RFX2: variants seen among roughly 807,000 people sequenced by gnomAD.
RFX2 encodes the protein regulatory factor X2, also known as DNA-binding protein RFX2.
RFX2 carries 20 observed loss-of-function variants against 87.8 expected under a neutral mutation model. That is an observed-to-expected ratio of 0.23 (90% CI 0.16 to 0.33). The LOEUF (loss-of-function observed/expected upper bound fraction) is 0.33. RFX2 is among the 10% of genes least tolerant of loss of function. The pLI is 1.00. For missense variants in RFX2, 767 were observed against 1,012.3 expected (o/e 0.76, Z 3.29); for synonymous variants, 397 against 431.3 (o/e 0.92, Z 0.98).
rs1055320281 is a variant in RFX2 at position 6,010,097 on chromosome 19, G to T, written c.1015+39C>A. 5 of 1,338,888 alleles carry T rather than the reference G, an allele frequency of 3.7e-6. No homozygotes were observed. Among genetic ancestry groups the T allele is most frequent in the Non-Finnish European group, 4.2e-6 (4 of 960,128 alleles). 82.9% of individuals were successfully genotyped at this position (1,338,888 alleles called of 1,614,324 possible). On this transcript the variant is annotated intron_variant, in intron 9 of 17. Transcript: ENST00000303657. This position sits in a 1 kb window ranked among gnomAD's most constrained non-coding sequence, Gnocchi z 5.0. ...TTGAAACCCAGGAGTGTGGCGAGCA[G>T]ATGGGAGCCCCGCCCCCGGGCCTGA...
In RFX2 at chr19:6,075,160, G is replaced by T. The variant is rs186104734; in HGVS notation, c.-8-27656C>A. Among the ~76,000 whole-genome samples, 5 of 152,296 alleles carry T rather than the reference G, an allele frequency of 3.3e-5. No individual in the cohort carries two copies. The East Asian group carries it at 9.6e-4, about 29-fold the overall frequency. The stretch of plus-strand genomic sequence containing the variant: ...AGACTTCCCACCTCCAGGGCTGAGA[G>T]ATGTGTGTCTGTTGTTTACAGCCAC... On this transcript the variant is annotated intron_variant, in intron 1 of 17. Coordinates refer to ENST00000303657, the MANE Select transcript of RFX2 (RefSeq NM_000635.4).
intron 1 of RFX2, chr19:6,076,972 T>C (rs2087701360): frequency 6.6e-6 from 1 of 152,216 alleles, no homozygotes; most frequent in African/African-American, 2.4e-5. Flanking sequence ...ATTACTGTTA[T>C]AGAAATGATA....
rs1259954861 is a variant in RFX2 at position 6,022,513 on chromosome 19, T to G, written c.597+3650A>C. Among the ~76,000 whole-genome samples, 2 of 152,224 alleles carry G rather than the reference T, an allele frequency of 1.3e-5. No individual in the cohort carries two copies. The highest frequency in any genetic ancestry group is 4.1e-4 in the South Asian group (2 of 4,836). ...CGGTGAACCTGCTACGGGGTCCCGGTCGGCTGGTAGCCTGAGGGCAGCCCG... is the reference window on the plus strand; with the variant it reads ...CGGTGAACCTGCTACGGGGTCCCGGGCGGCTGGTAGCCTGAGGGCAGCCCG... On this transcript the variant is annotated intron_variant, in intron 6 of 17. Transcript: ENST00000303657. This position sits in a 1 kb window ranked among gnomAD's most constrained non-coding sequence, Gnocchi z 6.2.
At chr19:6,038,064 C>T (rs1383380172) in intron 5 of RFX2, among the ~76,000 whole-genome samples, 2 of 152,074 alleles carry the variant, frequency 1.3e-5, no homozygotes, top group Admixed American at 6.5e-5. Context: ...CGGTGGCTCA[C>T]GCCTGTAATC....
At chr19:6,042,637 G>C (rs889221526) in intron 3 of RFX2, among the ~76,000 whole-genome samples, 2 of 152,208 alleles carry the variant, frequency 1.3e-5, no homozygotes. Context: ...GGTGGCCCTG[G>C]TGCCCCTTCC....
rs1199765274 is a variant in RFX2 at position 6,013,430 on chromosome 19, C to T, written c.780-325G>A. Among the ~76,000 whole-genome samples the T allele has an allele frequency of 2.0e-5, 3 of 151,932 alleles. No individual in the cohort carries two copies. The East Asian group carries it at 5.8e-4, about 29-fold the overall frequency. ...CAAACTCCTGGGCTCAAGTGATCCTCCTGCCTTGGCCTCCCAAAGTGCTGG... is the reference window on the plus strand; with the variant it reads ...CAAACTCCTGGGCTCAAGTGATCCTTCTGCCTTGGCCTCCCAAAGTGCTGG... On this transcript the variant is annotated intron_variant, in intron 7 of 17. Coordinates refer to ENST00000303657, the MANE Select transcript of RFX2 (RefSeq NM_000635.4). This position sits in a 1 kb window ranked among gnomAD's most constrained non-coding sequence, Gnocchi z 4.1.
chr19:5,999,852 G>A lies in RFX2; in HGVS notation c.1859+1963C>T, dbSNP rs1364804977. Reference sequence around the variant, plus strand: ...GATGGGTTTCTCTGTGTGGCTGTCTGGGGGAAAGATGTTCCAGGCAAGGGG... The same window carrying A: ...GATGGGTTTCTCTGTGTGGCTGTCTAGGGGAAAGATGTTCCAGGCAAGGGG... On this transcript the variant is annotated intron_variant, in intron 15 of 17. Coordinates refer to ENST00000303657, the MANE Select transcript of RFX2 (RefSeq NM_000635.4). The surrounding 1 kb of genome is among the most constrained non-coding windows in gnomAD (Gnocchi z 4.1). 6.6e-6 allele frequency among the ~76,000 whole-genome samples: 1 copy of A among 152,136 alleles called. No individual in the cohort carries two copies.
rs546410431 is a variant in RFX2, at chr19:6,012,705, A to G, written c.899+281T>C. On this transcript the variant is annotated intron_variant, in intron 8 of 17. Coordinates refer to ENST00000303657, the MANE Select transcript of RFX2 (RefSeq NM_000635.4). The surrounding 1 kb of genome is among the most constrained non-coding windows in gnomAD (Gnocchi z 4.6). ...AACAACTCTCTGTACTTTCTACTCA[A>G]TTTTGCTGTGAACCTAGAATGGCTC... 2.2e-4 allele frequency among the ~76,000 whole-genome samples: 34 copies of G among 152,180 alleles called. No homozygotes were observed. Among genetic ancestry groups the G allele is most frequent in the African/African-American group, 8.2e-4 (34 of 41,510 alleles).
Position 6,004,174 on chromosome 19 carries a change from G to A in RFX2, c.1500+27C>T. On this transcript the variant is annotated intron_variant, in intron 13 of 17. Transcript: ENST00000303657. This position sits in a 1 kb window ranked among gnomAD's most constrained non-coding sequence, Gnocchi z 4.8. ...TGGAGCCCCTCCCAGCCATCGTTGG[G>A]GAGCCCAGGCCCCACCCCGGACGCA... 1 of 1,573,776 alleles carries A rather than the reference G, an allele frequency of 6.4e-7. No homozygotes were observed. Among genetic ancestry groups the A allele is most frequent in the Non-Finnish European group, 8.7e-7 (1 of 1,143,250 alleles).
At chr19:6,093,237 A>G (rs1239589178) in intron 1 of RFX2, among the ~76,000 whole-genome samples, 1 of 152,194 alleles carries the variant, frequency 6.6e-6, no homozygotes, top group African/African-American at 2.4e-5. Flanking sequence ...CAAAATGCCT[A>G]TAAATAAATA....
intron 1 of RFX2, among the ~76,000 whole-genome samples, chr19:6,108,198 G>C (rs2088250889): frequency 6.6e-6 from 1 of 152,208 alleles, no homozygotes; most frequent in Non-Finnish European, 1.5e-5. Context: ...CACGCCTGTT[G>C]ATGAAGAAGC....
chr19:6,088,609 C>A (rs912976529), intron 1 of RFX2, among the ~76,000 whole-genome samples: 1 of 152,094 alleles, frequency 6.6e-6, no homozygotes, highest in African/African-American at 2.4e-5. Context: ...TTAATTACAA[C>A]AAACTGGAGA....
Position 6,074,373 on chromosome 19 carries a change from C to T in RFX2, c.-8-26869G>A, listed in dbSNP as rs769903776. Among the ~76,000 whole-genome samples the T allele has an allele frequency of 2.0e-4, 31 of 152,206 alleles. No individual in the cohort carries two copies. The highest frequency in any genetic ancestry group is 2.6e-4 in the Non-Finnish European group (18 of 68,036). On this transcript the variant is annotated intron_variant, in intron 1 of 17. Transcript: ENST00000303657. The surrounding 1 kb of genome is among the most constrained non-coding windows in gnomAD (Gnocchi z 5.2). ...GGTGGGCTAGAACCTTTCCACCTTC[C>T]TCTTAGCACCCGGCCTGTGCCGGTG...
intron 5 of RFX2, among the ~76,000 whole-genome samples, chr19:6,033,168 G>A (rs941061846): frequency 2.6e-5 from 4 of 152,150 alleles, no homozygotes; most frequent in Admixed American, 1.3e-4. Context: ...GAGCCACTGC[G>A]CACTCTTAAC....
In RFX2 at chr19:6,047,747, A is replaced by G. The variant is rs1180725174; in HGVS notation, c.-8-243T>C. On this transcript the variant is annotated intron_variant, in intron 1 of 17. Coordinates refer to ENST00000303657, the MANE Select transcript of RFX2 (RefSeq NM_000635.4). The surrounding 1 kb of genome is among the most constrained non-coding windows in gnomAD (Gnocchi z 4.2). Reference sequence around the variant, plus strand: ...TATAAAACCCAAAAAGGGCTCTGTCAGCGCACAATGGCAGGAATTCCTCAA... The same window carrying G: ...TATAAAACCCAAAAAGGGCTCTGTCGGCGCACAATGGCAGGAATTCCTCAA... 6.6e-6 allele frequency among the ~76,000 whole-genome samples: 1 copy of G among 152,260 alleles called. No individual in the cohort carries two copies. The highest frequency in any genetic ancestry group is 1.9e-4 in the East Asian group (1 of 5,200).
At position 6,010,083 on chromosome 19, in the gene RFX2, G is replaced by T. The variant is rs939090001; in HGVS notation, c.1015+53C>A. The T allele has an allele frequency of 8.8e-7, 1 of 1,140,920 alleles. No individual in the cohort carries two copies. Among genetic ancestry groups the T allele is most frequent in the South Asian group, 1.3e-5 (1 of 74,388 alleles). The allele number at this position is 1,140,920 out of a possible 1,614,324, so 70.7% of individuals were successfully genotyped here. A position where few individuals can be genotyped will look rare whatever the true frequency, so the allele number is the denominator to read the frequency against. On this transcript the variant is annotated intron_variant, in intron 9 of 17. Transcript: ENST00000303657. The surrounding 1 kb of genome is among the most constrained non-coding windows in gnomAD (Gnocchi z 5.0). ...TGGTTCTGCTGGTGTTGAAACCCAG[G>T]AGTGTGGCGAGCAGATGGGAGCCCC...
chr19:6,083,008 G>A lies in RFX2; in HGVS notation c.-9+27385C>T, dbSNP rs1599918586. 6.6e-6 allele frequency among the ~76,000 whole-genome samples: 1 copy of A among 152,002 alleles called. No individual in the cohort carries two copies. Among genetic ancestry groups the A allele is most frequent in the African/African-American group, 2.4e-5 (1 of 41,378 alleles). ...GCCCAGGCTGCAGTGGCACAAACAC[G>A]GCTCGCTGCAGCCTCAACCTCCCTG... is the stretch of plus-strand genomic sequence containing the variant. On this transcript the variant is annotated intron_variant, in intron 1 of 17. Transcript: ENST00000303657. The surrounding 1 kb of genome is among the most constrained non-coding windows in gnomAD (Gnocchi z 4.6).
intron 1 of RFX2, among the ~76,000 whole-genome samples, chr19:6,082,968 G>C (rs1055540473): frequency 1.3e-5 from 2 of 152,106 alleles, no homozygotes; most frequent in Non-Finnish European, 2.9e-5. Context: ...TTTTGAGACA[G>C]GGTCTCATTC....
chr19:6,044,368 G>T lies in RFX2; in HGVS notation c.91-86C>A. ...ACAGAATGTAAGATGCTGTTTGTCT[G>T]TTCATGTGCTTTTTATTAAAACATA... On this transcript the variant is annotated intron_variant, in intron 2 of 17. Coordinates refer to ENST00000303657, the MANE Select transcript of RFX2 (RefSeq NM_000635.4). This position sits in a 1 kb window ranked among gnomAD's most constrained non-coding sequence, Gnocchi z 5.3. 1.2e-6 allele frequency: 1 copy of T among 861,922 alleles called. No homozygotes were observed. Among genetic ancestry groups the T allele is most frequent in the East Asian group, 3.3e-5 (1 of 30,544 alleles). 53.4% of individuals were successfully genotyped at this position (861,922 alleles called of 1,614,324 possible).
Sources: gnomAD v4.1 joint callset for allele counts (sites outside exome capture counted in the v4.1 genomes callset) on GRCh38, gnomAD v4.1.1 for gene constraint, Gnocchi (gnomAD v3.1) non-coding constraint, MANE v1.5 for transcripts, NCBI Gene and HGNC (gene_info 2026-07-23, HGNC 2026-07-21) for gene names.